Variants in NUAK1 observed in about 807,000 individuals in gnomAD.
NUAK1 encodes NUAK family SNF1-like kinase 1.
NUAK1 carries 26 observed loss-of-function variants against 56.9 expected under a neutral mutation model. That is an observed-to-expected ratio of 0.46 (90% CI 0.33 to 0.63). The LOEUF (loss-of-function observed/expected upper bound fraction) is 0.63, where lower values mean the gene tolerates loss of function less well. Among genes scored for constraint, NUAK1 ranks in the 30% least tolerant of loss-of-function variants. NUAK1 has a pLI of 0.02. For synonymous variants in NUAK1, 337 were observed against 336.0 expected (o/e 1.00, Z -0.03); for missense variants, 727 against 876.1 (o/e 0.83, Z 2.15).
At chr12:106,124,151 C>T (rs905025510) in intron 1 of NUAK1, among the ~76,000 whole-genome samples, 13 of 152,076 alleles carry the variant, frequency 8.5e-5, no homozygotes, top group African/African-American at 3.1e-4. Flanking sequence ...GTTTTCTCTG[C>T]GGTTTGCAAA....
chr12:106,118,506 G>A (rs912802185), intron 1 of NUAK1, among the ~76,000 whole-genome samples: 6 of 152,194 alleles, frequency 3.9e-5, no homozygotes, highest in Admixed American at 1.3e-4. Context: ...CTCAAATGTC[G>A]TGGAAGGTCT....
At chr12:106,094,821 A>T (rs1442091370) in intron 2 of NUAK1, among the ~76,000 whole-genome samples, 1 of 152,240 alleles carries the variant, frequency 6.6e-6, no homozygotes, top group Non-Finnish European at 1.5e-5. Context: ...GCCAAGACCC[A>T]TCCGTGCCTG....
At chr12:106,073,244 TG>T (rs1189087181) in intron 4 of NUAK1, among the ~76,000 whole-genome samples, 3 of 152,332 alleles carry the variant, frequency 2.0e-5, no homozygotes, top group South Asian at 2.1e-4. Flanking sequence ...TCTCCCTCTG[TG>T]GTCTACCCAA....
chr12:106,110,354 G>C (rs1380154814), intron 1 of NUAK1, among the ~76,000 whole-genome samples: 1 of 152,126 alleles, frequency 6.6e-6, no homozygotes, highest in South Asian at 2.1e-4. Flanking sequence ...GAGCCAGCGC[G>C]ACTGCTCCAG....
At chr12:106,106,622 GGCA>G in intron 1 of NUAK1, 97 bp from the exon 2 acceptor site, 1 of 1,318,052 alleles carries the variant, frequency 7.6e-7, no homozygotes, top group Non-Finnish European at 1.0e-6. Context: ...GTTACTTGTT[GGCA>G]GAACTGACAA....
In NUAK1 at chr12:106,106,515, T is replaced by G; in HGVS notation, c.251A>C (p.Lys84Thr). 6.2e-7 allele frequency: 1 copy of G among 1,612,844 alleles called. No homozygotes were observed. Among genetic ancestry groups the G allele is most frequent in the Non-Finnish European group, 8.5e-7 (1 of 1,179,698 alleles). The change falls in exon 2 of 7, where the codon AAA (lysine) becomes ACA (threonine). Residue 84 changes from lysine to threonine, a missense_variant. By Grantham distance (78) the Lys-to-Thr change is moderately conservative. Coordinates refer to ENST00000261402, the MANE Select transcript of NUAK1 (RefSeq NM_014840.3). ...CTTAATTTTGTCCTTACGAATGGAT[T>G]TTATAGCAACCTATAAAGTCAGGAA... Reference protein sequence around the residue: ...ERFSGRVVAIKSIRKDKIKDE... With the variant: ...ERFSGRVVAITSIRKDKIKDE...
intron 1 of NUAK1, among the ~76,000 whole-genome samples, chr12:106,120,438 G>C (rs2032962524): frequency 6.6e-6 from 1 of 152,044 alleles, no homozygotes; most frequent in Admixed American, 6.6e-5. Flanking sequence ...ATAACGAACA[G>C]ACGTTATGCA....
At chr12:106,127,583 G>A (rs1486463045) in intron 1 of NUAK1, among the ~76,000 whole-genome samples, 1 of 152,178 alleles carries the variant, frequency 6.6e-6, no homozygotes, top group Non-Finnish European at 1.5e-5. Flanking sequence ...GAACCAGAGA[G>A]CAGGGAAGGC....
intron 1 of NUAK1, among the ~76,000 whole-genome samples, chr12:106,137,435 G>A (rs1045844549): frequency 6.6e-6 from 1 of 152,176 alleles, no homozygotes; most frequent in Non-Finnish European, 1.5e-5. Context: ...AAAGAACCAT[G>A]TTAATTTTCT....
chr12:106,124,996 C>CAATAAATAAATA (rs55900706), intron 1 of NUAK1, among the ~76,000 whole-genome samples: 4,098 of 147,032 alleles, frequency 0.028, 166 homozygotes, highest in African/African-American at 0.083. Flanking sequence ...GACTCCATCT[C>CAATAAATAAATA]AATAAATAAA....
intron 4 of NUAK1, among the ~76,000 whole-genome samples, chr12:106,074,526 A>C (rs1245617255): frequency 6.6e-6 from 1 of 151,844 alleles, no homozygotes; most frequent in Non-Finnish European, 1.5e-5. Context: ...AGCAATATAA[A>C]CCCCCGTGTC....
At chr12:106,132,134 C>T (rs1423945600) in intron 1 of NUAK1, among the ~76,000 whole-genome samples, 1 of 152,212 alleles carries the variant, frequency 6.6e-6, no homozygotes, top group Non-Finnish European at 1.5e-5. Flanking sequence ...TACGTCTCTC[C>T]CTAACAAATG....
chr12:106,101,887 G>A (rs2032752902), intron 2 of NUAK1, among the ~76,000 whole-genome samples: 1 of 152,152 alleles, frequency 6.6e-6, no homozygotes, highest in African/African-American at 2.4e-5. Flanking sequence ...GGATCTTTGG[G>A]TCCTGCTGGG....
chr12:106,101,275 A>T (rs2032744239), intron 2 of NUAK1, among the ~76,000 whole-genome samples: 1 of 152,218 alleles, frequency 6.6e-6, no homozygotes, highest in Admixed American at 6.5e-5. Context: ...AGAGCAAGAA[A>T]ACAAAGGGGA....
intron 1 of NUAK1, among the ~76,000 whole-genome samples, chr12:106,118,223 A>G (rs1422078161): frequency 6.6e-6 from 1 of 152,066 alleles, no homozygotes; most frequent in Non-Finnish European, 1.5e-5. Flanking sequence ...CCACCACCCC[A>G]TGAGATAAGC....
At chr12:106,101,725 A>T (rs1470980304) in intron 2 of NUAK1, among the ~76,000 whole-genome samples, 4 of 152,190 alleles carry the variant, frequency 2.6e-5, no homozygotes, top group Non-Finnish European at 5.9e-5. Flanking sequence ...AACCTTCTAG[A>T]GCCTCAGTTT....
At chr12:106,079,642 C>T (rs12815216) in intron 4 of NUAK1, among the ~76,000 whole-genome samples, 23,062 of 152,236 alleles carry the variant, frequency 0.15, 1,885 homozygotes, top group African/African-American at 0.17. Context: ...ATACCAGGGG[C>T]CTTCCCTGAC....
chr12:106,066,984 C>A lies in NUAK1; in HGVS notation c.1804G>T (p.Val602Phe). The A allele has an allele frequency of 6.2e-7, 1 of 1,614,226 alleles. No individual in the cohort carries two copies. The highest frequency in any genetic ancestry group is 8.5e-7 in the Non-Finnish European group (1 of 1,180,046). The change falls in exon 7 of 7, where the codon GTC (valine) becomes TTC (phenylalanine). Residue 602 changes from valine (V) to phenylalanine (F), a missense_variant. By Grantham distance (50) the Val-to-Phe change is conservative. Transcript: ENST00000261402. ...ATCTGGAGGAAGTTTTCTGCAGAGA[C>A]GCAGCTGCGGATGCGCTGGCGGGCA... ...RPARQRIRSC[V>F]SAENFLQIQD...
chr12:106,117,222 C>T (rs912206078), intron 1 of NUAK1, among the ~76,000 whole-genome samples: 2 of 152,242 alleles, frequency 1.3e-5, no homozygotes, highest in Non-Finnish European at 2.9e-5. Context: ...CTAGAGCTAG[C>T]CCTGGAGATG....
Sources: allele counts gnomAD v4.1 joint callset (sites outside exome capture counted in the v4.1 genomes callset), GRCh38; gene constraint gnomAD v4.1.1; transcripts MANE v1.5; gene names NCBI Gene and HGNC (gene_info 2026-07-23, HGNC 2026-07-21).